Variants in COL19A1 observed in about 807,000 individuals in gnomAD.
The protein encoded by COL19A1 is collagen type XIX alpha 1 chain.
Under a neutral mutation model 190.2 loss-of-function variants are expected in COL19A1, and 159 were observed. That is an observed-to-expected ratio of 0.84 (90% confidence interval 0.73 to 0.95). The LOEUF (loss-of-function observed/expected upper bound fraction) is 0.95. Among genes scored for constraint, COL19A1 ranks in the 40% least tolerant of loss-of-function variants. The pLI is 0.00. For missense variants in COL19A1, 1,418 were observed against 1,431.9 expected (o/e 0.99, Z 0.16); for synonymous variants, 509 against 458.9 (o/e 1.11, Z -1.39).
intron 47 of COL19A1, among the ~76,000 whole-genome samples, chr6:70,188,644 A>G (rs1451235186): frequency 6.6e-6 from 1 of 152,196 alleles, no homozygotes; most frequent in African/African-American, 2.4e-5. Context: ...TGCCTGTTTC[A>G]TATTGCTATG....
intron 12 of COL19A1, among the ~76,000 whole-genome samples, chr6:70,027,441 C>A (rs1343984102): frequency 6.6e-6 from 1 of 152,082 alleles, no homozygotes. Context: ...GACTGTCTTG[C>A]AAGAGCAGAA....
At chr6:70,061,803 G>C (rs568847487) in intron 14 of COL19A1, among the ~76,000 whole-genome samples, 9 of 152,164 alleles carry the variant, frequency 5.9e-5, no homozygotes, top group African/African-American at 1.9e-4. Flanking sequence ...AAGGATAAGA[G>C]AGAAGAGTTT....
chr6:70,192,793 G>A (rs182152361), intron 48 of COL19A1, among the ~76,000 whole-genome samples: 6 of 152,312 alleles, frequency 3.9e-5, no homozygotes, highest in Non-Finnish European at 5.9e-5. Flanking sequence ...TAGGTAGCCC[G>A]GACATGCTAG....
At chr6:70,056,539 A>G (rs1780514516) in intron 14 of COL19A1, among the ~76,000 whole-genome samples, 1 of 152,184 alleles carries the variant, frequency 6.6e-6, no homozygotes, top group Non-Finnish European at 1.5e-5. Context: ...CGTGTGATTC[A>G]TGATTGAGCC....
chr6:69,908,857 A>G (rs1582361415), intron 4 of COL19A1, among the ~76,000 whole-genome samples: 1 of 152,174 alleles, frequency 6.6e-6, no homozygotes, highest in African/African-American at 2.4e-5. Context: ...TTGACCATTC[A>G]TTTATTAGCC....
chr6:69,890,734 G>C (rs1029552554), intron 2 of COL19A1: 6 of 152,078 alleles, frequency 3.9e-5, no homozygotes, highest in African/African-American at 1.4e-4. Flanking sequence ...GCTATGTTTG[G>C]TAATTTTATA....
At chr6:70,163,575 G>A (rs1056682233) in intron 36 of COL19A1, among the ~76,000 whole-genome samples, 179 bp downstream of exon 36, 36 of 152,238 alleles carry the variant, frequency 2.4e-4, no homozygotes, top group African/African-American at 7.2e-4. Flanking sequence ...TTCTAAACAC[G>A]GGAGATATTT....
intron 14 of COL19A1, among the ~76,000 whole-genome samples, chr6:70,037,395 A>T (rs1246598307): frequency 6.6e-6 from 1 of 152,036 alleles, no homozygotes; most frequent in Admixed American, 6.6e-5. Flanking sequence ...ACCTCAGGTG[A>T]TCCGCCCACT....
chr6:70,156,812 C>T, intron 34 of COL19A1, 89 bp downstream of exon 34: 1 of 962,954 alleles, frequency 1.0e-6, no homozygotes, highest in Non-Finnish European at 1.6e-6. Flanking sequence ...TTCTATAGCT[C>T]AGATCTGATG....
Position 70,121,962 on chromosome 6 carries a change from A to G in COL19A1, c.1341+20A>G, listed in dbSNP as rs376777955. The stretch of plus-strand genomic sequence containing the variant: ...AACAAGGTATGGCTTCTTTTTTCCC[A>G]TAATTTATAATACATAGAAATTTTA... On this transcript the variant is annotated intron_variant, in intron 17 of 50. Transcript: ENST00000620364. The G allele has an allele frequency of 2.6e-5, 38 of 1,439,762 alleles. No homozygotes were observed. The highest frequency in any genetic ancestry group is 3.3e-5 in the Non-Finnish European group (35 of 1,056,416). The allele number at this position is 1,439,762 out of a possible 1,614,324, so 89.2% of individuals were successfully genotyped here.
chr6:69,886,895 T>C (rs1561963859), intron 2 of COL19A1, among the ~76,000 whole-genome samples: 2 of 152,344 alleles, frequency 1.3e-5, no homozygotes, highest in East Asian at 3.9e-4. Context: ...ATAATATTCA[T>C]GTATTCAGAT....
At chr6:70,091,763 C>A (rs1782939991) in intron 15 of COL19A1, among the ~76,000 whole-genome samples, 1 of 141,626 alleles carries the variant, frequency 7.1e-6, no homozygotes, top group African/African-American at 2.9e-5. Context: ...GGCGACTGAC[C>A]AACAATTGCT....
intron 2 of COL19A1, among the ~76,000 whole-genome samples, chr6:69,885,242 G>A (rs1203796022): frequency 6.6e-6 from 1 of 152,144 alleles, no homozygotes; most frequent in Admixed American, 6.5e-5. Flanking sequence ...GGAAAGTGGG[G>A]CTGATAGTTA....
At chr6:70,152,861 T>A (rs577553208) in intron 31 of COL19A1, among the ~76,000 whole-genome samples, 18 of 152,230 alleles carry the variant, frequency 1.2e-4, no homozygotes, top group African/African-American at 4.3e-4. Flanking sequence ...GAAACTTGTA[T>A]GCTTTAGTAG....
chr6:70,186,537 T>G (rs1175937850), intron 46 of COL19A1, among the ~76,000 whole-genome samples: 1 of 152,212 alleles, frequency 6.6e-6, no homozygotes, highest in Non-Finnish European at 1.5e-5. Flanking sequence ...TGTTAATTTT[T>G]AAGTCAAGAG....
At chr6:69,992,128 G>C (rs1179992183) in intron 11 of COL19A1, among the ~76,000 whole-genome samples, 5 of 152,142 alleles carry the variant, frequency 3.3e-5, no homozygotes, top group Non-Finnish European at 7.4e-5. Flanking sequence ...TGGCTAGCCA[G>C]TTATGCCAGC....
intron 4 of COL19A1, among the ~76,000 whole-genome samples, chr6:69,926,020 T>C (rs1019487542): frequency 3.3e-5 from 5 of 152,234 alleles, no homozygotes. Context: ...TATACAATCA[T>C]GTCATCTGCA....
chr6:70,055,823 G>A (rs1780471691), intron 14 of COL19A1, among the ~76,000 whole-genome samples: 1 of 145,418 alleles, frequency 6.9e-6, no homozygotes, highest in Non-Finnish European at 1.5e-5. Flanking sequence ...TTTAATGACT[G>A]TAAATATTGT....
intron 16 of COL19A1, among the ~76,000 whole-genome samples, chr6:70,116,225 T>C (rs1349525764): frequency 1.3e-5 from 2 of 152,224 alleles, no homozygotes; most frequent in Non-Finnish European, 2.9e-5. Context: ...CTGTTGGTCT[T>C]GTCTTTTATA....
Sources: gnomAD v4.1 joint callset for allele counts (sites outside exome capture counted in the v4.1 genomes callset) on GRCh38, gnomAD v4.1.1 for gene constraint, MANE v1.5 for transcripts, NCBI Gene and HGNC (gene_info 2026-07-23, HGNC 2026-07-21) for gene names.